The following DEFB123 variants were observed in gnomAD, a reference collection of about 807,000 sequenced individuals.
DEFB123 encodes the protein beta-defensin 123.
For missense variants in DEFB123, 71 were observed against 75.0 expected (o/e 0.95, Z 0.20); for synonymous variants, 22 against 28.3 (o/e 0.78, Z 0.71).
intron 1 of DEFB123, among the ~76,000 whole-genome samples, chr20:31,443,108 G>A (rs1213759702): frequency 6.6e-6 from 1 of 152,190 alleles, no homozygotes; most frequent in African/African-American, 2.4e-5. Flanking sequence ...GACCCTCGTT[G>A]GATGTGGTTA....
chr20:31,445,282 A>C (rs749192520), intron 1 of DEFB123, among the ~76,000 whole-genome samples: 24 of 152,236 alleles, frequency 1.6e-4, no homozygotes, highest in Non-Finnish European at 3.4e-4. Context: ...CTTTTAGGAC[A>C]ATAGGAATCA....
intron 1 of DEFB123, 25 bp from the exon 2 acceptor site, chr20:31,450,004 C>A: frequency 6.3e-7 from 1 of 1,598,212 alleles, no homozygotes; most frequent in Non-Finnish European, 8.5e-7. Flanking sequence ...CTGATACTGT[C>A]TCCCTTCTTT....
intron 1 of DEFB123, among the ~76,000 whole-genome samples, chr20:31,446,150 A>C (rs1979580538): frequency 6.6e-6 from 1 of 152,184 alleles, no homozygotes. Context: ...GCGCAGGAGG[A>C]GTCACCAAAC....
chr20:31,444,968 A>C (rs1979551053), intron 1 of DEFB123, among the ~76,000 whole-genome samples: 1 of 152,226 alleles, frequency 6.6e-6, no homozygotes, highest in African/African-American at 2.4e-5. Context: ...ATACTGTTAA[A>C]ATCTGATATC....
At position 31,440,872 on chromosome 20, in the gene DEFB123, C is replaced by G. The variant is rs561833812; in HGVS notation, c.58+116C>G. The G allele has an allele frequency of 2.8e-5, 34 of 1,217,756 alleles. No homozygotes were observed. In the South Asian group the frequency reaches 4.2e-4, roughly 15 times the overall value. 75.4% of individuals were successfully genotyped at this position (1,217,756 alleles called of 1,614,324 possible). A position where few individuals can be genotyped will look rare whatever the true frequency, so the allele number is the denominator to read the frequency against. On this transcript the variant is annotated intron_variant, in intron 1 of 1. Coordinates refer to ENST00000376309, the MANE Select transcript of DEFB123 (RefSeq NM_153324.4). ...GTCATCTAGCACCACGTATAGGAGG[C>G]AGGAGGCGCCTCACCAGCAGCAGGT...
intron 1 of DEFB123, among the ~76,000 whole-genome samples, chr20:31,444,381 C>T (rs565094419): frequency 6.6e-6 from 1 of 152,162 alleles, no homozygotes; most frequent in Non-Finnish European, 1.5e-5. Context: ...TTTAATGGCT[C>T]TTTCTCCCCT....
intron 1 of DEFB123, among the ~76,000 whole-genome samples, chr20:31,443,685 T>C (rs1335803015): frequency 1.3e-5 from 2 of 152,226 alleles, no homozygotes; most frequent in Non-Finnish European, 2.9e-5. Flanking sequence ...CCTAGCTTGT[T>C]GGTGGGTCCA....
chr20:31,450,154 G>A lies in DEFB123; in HGVS notation c.184G>A (p.Glu62Lys). 1 of 1,605,888 alleles carries A rather than the reference G, an allele frequency of 6.2e-7. No individual in the cohort carries two copies. The highest frequency in any genetic ancestry group is 1.1e-5 in the South Asian group (1 of 89,506). ...CGTGAAGCCCAAGTACCAGCCAAAA[G>A]AAAGGTGGTGGCCATTTTAACTGCT... ...CCVKPKYQPK[E>K]RWWPF is the part of the protein sequence containing the mutation. Residue 62 changes from glutamate (E) to lysine (K), a missense_variant, in exon 2 of 2, where the codon GAA (glutamate) becomes AAA (lysine). By Grantham distance (56) the Glu-to-Lys change is moderately conservative. Transcript: ENST00000376309.
At chr20:31,445,352 T>C (rs891449680) in intron 1 of DEFB123, among the ~76,000 whole-genome samples, 2 of 152,214 alleles carry the variant, frequency 1.3e-5, no homozygotes, top group Admixed American at 6.5e-5. Context: ...TAATATTCTG[T>C]TAAGTGATAT....
intron 1 of DEFB123, among the ~76,000 whole-genome samples, chr20:31,444,985 G>C (rs1979551499): frequency 6.6e-6 from 1 of 152,146 alleles, no homozygotes; most frequent in African/African-American, 2.4e-5. Flanking sequence ...TATCTCTTTA[G>C]ATTCCTTGAA....
chr20:31,441,487 A>T lies in DEFB123; in HGVS notation c.58+731A>T, dbSNP rs1463939876. Among the ~76,000 whole-genome samples, 4 of 150,708 alleles carry T rather than the reference A, an allele frequency of 2.7e-5. No homozygotes were observed. In the East Asian group the frequency reaches 8.0e-4, roughly 30 times the overall value. ...AGTGTCGGGGACCTGCATAACATGG[A>T]GGGGTGGGTTAGGAGAGAGGCGGGG... is the stretch of plus-strand genomic sequence containing the variant. On this transcript the variant is annotated intron_variant, in intron 1 of 1. Transcript: ENST00000376309.
At chr20:31,442,304 A>G (rs1006948852) in intron 1 of DEFB123, among the ~76,000 whole-genome samples, 6 of 152,206 alleles carry the variant, frequency 3.9e-5, no homozygotes, top group Non-Finnish European at 7.3e-5. Flanking sequence ...CTGGGATAGT[A>G]TCTGGTTACA....
rs1979438412 is a variant in DEFB123 at position 31,440,635 on chromosome 20, C to A, written c.-64C>A. The stretch of plus-strand genomic sequence containing the variant: ...GAGTGCGAGCCACAGGCCAGGCACT[C>A]TCCTTCTCCCATTAGCTCAGCCGTG... On this transcript the variant is annotated 5_prime_UTR_variant, in exon 1 of 2. Transcript: ENST00000376309. 11 of 1,599,786 alleles carry A rather than the reference C, an allele frequency of 6.9e-6. No individual in the cohort carries two copies. In the South Asian group the frequency reaches 1.2e-4, roughly 18 times the overall value.
intron 1 of DEFB123, among the ~76,000 whole-genome samples, chr20:31,445,497 A>G (rs1979564965): frequency 6.6e-6 from 1 of 151,798 alleles, no homozygotes; most frequent in Admixed American, 6.6e-5. Flanking sequence ...AATCTGGAAG[A>G]TAATGATCTA....
At chr20:31,446,946 CAAAA>C in intron 1 of DEFB123, among the ~76,000 whole-genome samples, 1 of 119,706 alleles carries the variant, frequency 8.4e-6, no homozygotes, top group South Asian at 2.9e-4. Flanking sequence ...GACTCCATCT[CAAAA>C]AAAAAAAAAA....
At chr20:31,448,206 C>T (rs1211922091) in intron 1 of DEFB123, among the ~76,000 whole-genome samples, 2 of 152,144 alleles carry the variant, frequency 1.3e-5, no homozygotes, top group African/African-American at 4.8e-5. Context: ...TGAGCCACCA[C>T]ACCCAGCCTC....
chr20:31,440,845 T>A, intron 1 of DEFB123, 89 bp downstream of exon 1: 1 of 1,524,406 alleles, frequency 6.6e-7, no homozygotes, highest in African/African-American at 1.4e-5. Context: ...GGGCTGCAGG[T>A]TGTCATCTAG....
chr20:31,447,499 A>G (rs1326865730), intron 1 of DEFB123, among the ~76,000 whole-genome samples: 1 of 151,518 alleles, frequency 6.6e-6, no homozygotes, highest in East Asian at 1.9e-4. Flanking sequence ...CTATTTCTCC[A>G]CTTTTAGAAT....
At chr20:31,443,737 C>G (rs1979520438) in intron 1 of DEFB123, among the ~76,000 whole-genome samples, 1 of 152,202 alleles carries the variant, frequency 6.6e-6, no homozygotes, top group African/African-American at 2.4e-5. Context: ...TAGCAGGGCT[C>G]TCAGGCCCAC....
Sources: gnomAD v4.1 joint callset for allele counts (sites outside exome capture counted in the v4.1 genomes callset) on GRCh38, gnomAD v4.1.1 for gene constraint, MANE v1.5 for transcripts, NCBI Gene and HGNC (gene_info 2026-07-23, HGNC 2026-07-21) for gene names.